DLG2: variants seen among roughly 807,000 people sequenced by gnomAD.
DLG2 encodes disks large homolog 2.
Under a neutral mutation model 132.5 loss-of-function variants are expected in DLG2, and 45 were observed. The observed-to-expected ratio is 0.34, with a 90% CI of 0.27 to 0.44. The LOEUF (loss-of-function observed/expected upper bound fraction) is 0.44. Among genes scored for constraint, DLG2 ranks in the 20% least tolerant of loss-of-function variants. The pLI, the probability that DLG2 is intolerant of heterozygous loss-of-function variation, is 1.00. For synonymous variants in DLG2, 424 were observed against 419.6 expected, an observed-to-expected ratio of 1.01 and a Z score of -0.13; for missense variants, 1,045 against 1,196.9, an observed-to-expected ratio of 0.87 and a Z score of 1.87.
chr11:84,569,617 C>T (rs990964372), intron 6 of DLG2, among the ~76,000 whole-genome samples: 1 of 152,092 alleles, frequency 6.6e-6, no homozygotes, highest in Non-Finnish European at 1.5e-5. Context: ...AAAGTCTCAA[C>T]AGCAGACTTG....
chr11:85,118,173 A>C (rs1408774733), intron 5 of DLG2, among the ~76,000 whole-genome samples: 2 of 152,048 alleles, frequency 1.3e-5, no homozygotes, highest in Non-Finnish European at 2.9e-5. Context: ...AAGTTGGCCT[A>C]ATTTGTTTCT....
At chr11:84,615,346 A>G (rs1471471689) in intron 6 of DLG2, among the ~76,000 whole-genome samples, 2 of 152,102 alleles carry the variant, frequency 1.3e-5, no homozygotes, top group Non-Finnish European at 2.9e-5. Context: ...ACGCAAACAG[A>G]GTTACCAGAA....
rs2154247014 is a variant in DLG2, at chr11:84,147,419, T to C, written c.624+16042A>G. Among the ~76,000 whole-genome samples, 3 of 152,248 alleles carry C rather than the reference T, an allele frequency of 2.0e-5. No homozygotes were observed. The Middle Eastern group carries it at 0.01, about 518-fold the overall frequency. On this transcript the variant is annotated intron_variant, in intron 9 of 27. Coordinates refer to ENST00000376104, the MANE Select transcript of DLG2 (RefSeq NM_001142699.3). Reference sequence around the variant, plus strand: ...TTAATGCACGACAAAACACTAGCTGTTTAGCATTTTATATGCAGAGATTAG... The same window carrying C: ...TTAATGCACGACAAAACACTAGCTGCTTAGCATTTTATATGCAGAGATTAG...
At chr11:83,769,648 T>C (rs1215530199) in intron 18 of DLG2, among the ~76,000 whole-genome samples, 6 of 151,058 alleles carry the variant, frequency 4.0e-5, no homozygotes, top group African/African-American at 1.5e-4. Context: ...ACTGCAACCT[T>C]CTCTTTCCGG....
intron 6 of DLG2, among the ~76,000 whole-genome samples, chr11:84,740,853 G>T (rs186407180): frequency 2.6e-5 from 4 of 152,172 alleles, no homozygotes; most frequent in Admixed American, 2.6e-4. Flanking sequence ...CTGAGTAGAT[G>T]ACACATCCCC....
At chr11:83,963,798 T>C (rs985853197) in intron 13 of DLG2, among the ~76,000 whole-genome samples, 2 of 152,030 alleles carry the variant, frequency 1.3e-5, no homozygotes, top group Non-Finnish European at 2.9e-5. Context: ...TCTGTACCTT[T>C]GTTCCACTGT....
intron 4 of DLG2, among the ~76,000 whole-genome samples, chr11:85,179,219 T>C (rs1391684951): frequency 6.6e-6 from 1 of 151,872 alleles, no homozygotes; most frequent in Non-Finnish European, 1.5e-5. Context: ...CCTATAAGCT[T>C]ATAGCCAGCT....
chr11:84,435,541 G>C (rs1425053652), intron 7 of DLG2, among the ~76,000 whole-genome samples: 1 of 152,030 alleles, frequency 6.6e-6, no homozygotes, highest in Non-Finnish European at 1.5e-5. Context: ...ATTTCCTTTG[G>C]TCTTTGTCAC....
intron 11 of DLG2, among the ~76,000 whole-genome samples, chr11:84,021,221 A>T (rs948431914): frequency 6.6e-6 from 1 of 152,126 alleles, no homozygotes; most frequent in Non-Finnish European, 1.5e-5. Flanking sequence ...TGTTATTCTC[A>T]TCTTACAGAA....
At chr11:85,543,456 T>C (rs1054016722) in intron 3 of DLG2, among the ~76,000 whole-genome samples, 6 of 152,228 alleles carry the variant, frequency 3.9e-5, no homozygotes, top group African/African-American at 1.4e-4. Context: ...TATGTGTGCA[T>C]GGATCTTTAT....
At chr11:84,977,500 A>C (rs1398358055) in intron 6 of DLG2, among the ~76,000 whole-genome samples, 1 of 152,192 alleles carries the variant, frequency 6.6e-6, no homozygotes, top group African/African-American at 2.4e-5. Flanking sequence ...CATTACAGAA[A>C]GCATCTAACT....
rs550013016 is a variant in DLG2, at chr11:83,834,509, G to C, written c.1566-739C>G. On this transcript the variant is annotated intron_variant, in intron 16 of 27. Coordinates refer to ENST00000376104, the MANE Select transcript of DLG2 (RefSeq NM_001142699.3). ...TCAGACATTGGAAAAAGAGGAGAGA[G>C]AGCATCTAAGTAACTAGCAAAAGGA... 1.0e-3 allele frequency among the ~76,000 whole-genome samples: 156 copies of C among 152,214 alleles called. 1 individual carries two copies. The highest frequency in any genetic ancestry group is 1.9e-3 in the South Asian group (9 of 4,816).
chr11:85,341,442 C>T (rs2082495818), intron 3 of DLG2, among the ~76,000 whole-genome samples: 1 of 152,144 alleles, frequency 6.6e-6, no homozygotes, highest in Non-Finnish European at 1.5e-5. Context: ...TTTTATGTAA[C>T]AGTGTATCAT....
intron 2 of DLG2, among the ~76,000 whole-genome samples, chr11:85,619,895 A>C (rs139748662): frequency 2.6e-5 from 4 of 152,312 alleles, no homozygotes; most frequent in East Asian, 1.9e-4. Flanking sequence ...ATTCAAATAC[A>C]AATTTGGTAA....
intron 6 of DLG2, chr11:84,923,141 G>C: frequency 6.2e-6 from 10 of 1,613,662 alleles, no homozygotes; most frequent in Non-Finnish European, 8.5e-6. Flanking sequence ...GGAGCATATG[G>C]ACCGGTATTC....
intron 21 of DLG2, among the ~76,000 whole-genome samples, chr11:83,488,509 T>C (rs2093658574): frequency 6.6e-6 from 1 of 152,118 alleles, no homozygotes; most frequent in Non-Finnish European, 1.5e-5. Flanking sequence ...AAATCTCATG[T>C]TTTTAAACAC....
At chr11:84,805,989 A>C (rs1212212695) in intron 6 of DLG2, among the ~76,000 whole-genome samples, 1 of 152,232 alleles carries the variant, frequency 6.6e-6, no homozygotes, top group Non-Finnish European at 1.5e-5. Flanking sequence ...TAAAAATAAA[A>C]GGTATGCAAA....
At chr11:84,449,496 A>G (rs1485219770) in intron 7 of DLG2, among the ~76,000 whole-genome samples, 1 of 151,696 alleles carries the variant, frequency 6.6e-6, no homozygotes, top group African/African-American at 2.4e-5. Flanking sequence ...ATGGCTAACT[A>G]GATAGAAAAG....
chr11:83,666,414 T>C (rs2075586048), intron 18 of DLG2, among the ~76,000 whole-genome samples: 1 of 152,184 alleles, frequency 6.6e-6, no homozygotes, highest in Admixed American at 6.5e-5. Context: ...GTGGTTTCAT[T>C]AGATTCTCAG....
Sources: gnomAD v4.1 joint callset for allele counts (sites outside exome capture counted in the v4.1 genomes callset) on GRCh38, gnomAD v4.1.1 for gene constraint, MANE v1.5 for transcripts, NCBI Gene and HGNC (gene_info 2026-07-23, HGNC 2026-07-21) for gene names.